Variants in TMEM132D observed in about 807,000 individuals in gnomAD.
The protein encoded by TMEM132D is mature OL transmembrane protein.
In TMEM132D, 21 loss-of-function variants were observed where a neutral mutation model predicts 62.3. The observed-to-expected ratio is 0.34, with a 90% CI of 0.24 to 0.49. TMEM132D has a LOEUF of 0.49. Ranked by LOEUF, TMEM132D falls within the 20% of genes least tolerant of loss-of-function variation. The pLI is 0.99. For synonymous variants in TMEM132D, 621 were observed against 575.6 expected (o/e 1.08, Z -1.13); for missense variants, 1,346 against 1,402.8 (o/e 0.96, Z 0.65).
intron 3 of TMEM132D, among the ~76,000 whole-genome samples, chr12:129,402,740 C>T (rs1871659450): frequency 6.6e-6 from 1 of 152,104 alleles, no homozygotes; most frequent in Non-Finnish European, 1.5e-5. Context: ...CTTTCTTTCT[C>T]ACTGATGGTG....
chr12:129,101,103 T>G (rs1875291815), intron 5 of TMEM132D, among the ~76,000 whole-genome samples: 1 of 151,854 alleles, frequency 6.6e-6, no homozygotes, highest in South Asian at 2.1e-4. Flanking sequence ...ATTGAAGCTC[T>G]GTGGCACCAG....
chr12:129,646,058 CCTTTTACTCCTTT>C (rs1879770853), intron 2 of TMEM132D, among the ~76,000 whole-genome samples: 1 of 152,168 alleles, frequency 6.6e-6, no homozygotes, highest in Non-Finnish European at 1.5e-5. Context: ...GGGCAGCCAC[CCTTTTACTCCTTT>C]ACTTTCTTAA....
rs1035470733 is a variant in TMEM132D at position 129,812,843 on chromosome 12, C to T, written c.79+90418G>A. ...CCCTAAGAGTTCTTCCATTCTTTCACTCTTAAAACCATCTACAAGTTGTCA... is the reference window on the plus strand; with the variant it reads ...CCCTAAGAGTTCTTCCATTCTTTCATTCTTAAAACCATCTACAAGTTGTCA... On this transcript the variant is annotated intron_variant, in intron 1 of 8. Coordinates refer to ENST00000422113, the MANE Select transcript of TMEM132D (RefSeq NM_133448.3). Among the ~76,000 whole-genome samples the T allele has an allele frequency of 1.3e-5, 2 of 151,706 alleles. 1 individual carries two copies. The highest frequency in any genetic ancestry group is 4.8e-5 in the African/African-American group (2 of 41,298).
intron 2 of TMEM132D, among the ~76,000 whole-genome samples, chr12:129,628,591 C>T (rs1008494231): frequency 4.6e-5 from 7 of 152,190 alleles, no homozygotes; most frequent in African/African-American, 1.4e-4. Flanking sequence ...GTAAACCAGA[C>T]AGACACAGCC....
chr12:129,563,082 G>T (rs554096463), intron 2 of TMEM132D, among the ~76,000 whole-genome samples: 11 of 152,314 alleles, frequency 7.2e-5, no homozygotes, highest in African/African-American at 2.6e-4. Flanking sequence ...TGATCAACAA[G>T]TATGCTGATA....
At chr12:129,346,643 C>T (rs144023216) in intron 3 of TMEM132D, among the ~76,000 whole-genome samples, 8 of 152,246 alleles carry the variant, frequency 5.3e-5, no homozygotes, top group South Asian at 2.1e-4. Flanking sequence ...TTTTGAAAAC[C>T]GGCACAAGAC....
chr12:129,815,976 G>T (rs1020971945), intron 1 of TMEM132D, among the ~76,000 whole-genome samples: 8 of 152,192 alleles, frequency 5.3e-5, no homozygotes, highest in Non-Finnish European at 8.8e-5. Flanking sequence ...ATGACTGACG[G>T]CCTGTGGTTG....
intron 3 of TMEM132D, among the ~76,000 whole-genome samples, chr12:129,465,170 T>C (rs900874723): frequency 3.3e-5 from 5 of 152,212 alleles, no homozygotes; most frequent in Admixed American, 2.0e-4. Flanking sequence ...GTAGTTCTCC[T>C]TGAAGAGGCC....
chr12:129,425,800 G>A (rs1312369042), intron 3 of TMEM132D, among the ~76,000 whole-genome samples: 1 of 152,220 alleles, frequency 6.6e-6, no homozygotes. Flanking sequence ...TCCATGTGAA[G>A]TAGTGATAAT....
At chr12:129,730,745 G>A (rs547443050) in intron 1 of TMEM132D, among the ~76,000 whole-genome samples, 23 of 152,050 alleles carry the variant, frequency 1.5e-4, no homozygotes, top group Admixed American at 1.5e-3. Flanking sequence ...GATAAAAACA[G>A]GCAGAGGAAC....
intron 5 of TMEM132D, among the ~76,000 whole-genome samples, chr12:129,156,996 C>G (rs1877266685): frequency 6.6e-6 from 1 of 152,144 alleles, no homozygotes; most frequent in African/African-American, 2.4e-5. Context: ...AACTCATTCA[C>G]TCTCATGATA....
rs372806179 is a variant in TMEM132D at position 129,590,294 on chromosome 12, C to T, written c.969-59089G>A. On this transcript the variant is annotated intron_variant, in intron 2 of 8. Coordinates refer to ENST00000422113, the MANE Select transcript of TMEM132D (RefSeq NM_133448.3). ...GCTCCTGAGACACAAAGGGCCACCA[C>T]GTCAGAACTGCCACATTCTGACACC... Among the ~76,000 whole-genome samples the T allele has an allele frequency of 7.9e-4, 120 of 152,244 alleles. 1 individual carries two copies. The highest frequency in any genetic ancestry group is 2.8e-3 in the African/African-American group (116 of 41,534).
At chr12:129,471,963 C>T (rs1489869751) in intron 3 of TMEM132D, among the ~76,000 whole-genome samples, 2 of 152,200 alleles carry the variant, frequency 1.3e-5, no homozygotes, top group Non-Finnish European at 2.9e-5. Context: ...TGGAAGTTGG[C>T]AGAGGTTGAT....
intron 1 of TMEM132D, among the ~76,000 whole-genome samples, chr12:129,792,195 T>C (rs1476696597): frequency 6.6e-6 from 1 of 152,204 alleles, no homozygotes; most frequent in African/African-American, 2.4e-5. Context: ...TTAGCATGCA[T>C]AGGTTGCTCT....
At chr12:129,805,602 T>A (rs1204828524) in intron 1 of TMEM132D, among the ~76,000 whole-genome samples, 1 of 151,962 alleles carries the variant, frequency 6.6e-6, no homozygotes, top group Non-Finnish European at 1.5e-5. Context: ...GAAGAAAACC[T>A]AGGCAATACC....
chr12:129,723,125 G>A (rs1289189516), intron 1 of TMEM132D, among the ~76,000 whole-genome samples: 1 of 152,164 alleles, frequency 6.6e-6, no homozygotes, highest in Non-Finnish European at 1.5e-5. Flanking sequence ...AACATGGACT[G>A]ATAGGAAATA....
intron 3 of TMEM132D, among the ~76,000 whole-genome samples, chr12:129,457,459 G>A (rs1258896820): frequency 7.6e-6 from 1 of 131,602 alleles, no homozygotes; most frequent in African/African-American, 2.7e-5. Context: ...GGGGAGGGGA[G>A]AGGGATGGCA....
intron 2 of TMEM132D, among the ~76,000 whole-genome samples, chr12:129,637,530 G>A (rs772863357): frequency 6.6e-5 from 10 of 152,194 alleles, no homozygotes; most frequent in Non-Finnish European, 1.5e-4. Flanking sequence ...AAAGCGTGTG[G>A]TACCTTACCC....
At chr12:129,359,355 T>G (rs10847837) in intron 3 of TMEM132D, among the ~76,000 whole-genome samples, 1 of 151,980 alleles carries the variant, frequency 6.6e-6, no homozygotes, top group Non-Finnish European at 1.5e-5. Context: ...ACATTATGAA[T>G]GTAATTAATT....
Sources: allele counts gnomAD v4.1 joint callset (sites outside exome capture counted in the v4.1 genomes callset), GRCh38; gene constraint gnomAD v4.1.1; transcripts MANE v1.5; gene names NCBI Gene and HGNC (gene_info 2026-07-23, HGNC 2026-07-21).